The following ANKS1B variants were observed in gnomAD, a reference collection of about 807,000 sequenced individuals.
The protein encoded by ANKS1B is ankyrin repeat and sterile alpha motif domain containing 1B, also known as ankyrin repeat and sterile alpha motif domain-containing protein 1B.
ANKS1B carries 36 observed loss-of-function variants against 148.3 expected under a neutral mutation model. The ratio of observed to expected loss-of-function variants is 0.24; its 90% confidence interval spans 0.19 to 0.32. The LOEUF (loss-of-function observed/expected upper bound fraction) is 0.32, where lower values mean the gene tolerates loss of function less well. Among genes scored for constraint, ANKS1B ranks in the 10% least tolerant of loss-of-function variants. The pLI is 1.00. For synonymous variants in ANKS1B, 542 were observed against 560.8 expected (o/e 0.97, Z 0.47); for missense variants, 1,157 against 1,542.6 (o/e 0.75, Z 4.19).
At chr12:99,498,086 T>C (rs950209881) in intron 10 of ANKS1B, among the ~76,000 whole-genome samples, 1 of 152,212 alleles carries the variant, frequency 6.6e-6, no homozygotes, top group Non-Finnish European at 1.5e-5. Context: ...CTCAGCTTTG[T>C]TTCCCCTTGC....
chr12:99,028,611 A>C (rs935041242), intron 17 of ANKS1B, among the ~76,000 whole-genome samples: 3 of 152,206 alleles, frequency 2.0e-5, no homozygotes, highest in Non-Finnish European at 4.4e-5. Context: ...TTACTGCTTA[A>C]TTATTCCCTT....
chr12:98,948,947 CTTTTTTTTT>C (rs869145338), intron 17 of ANKS1B, among the ~76,000 whole-genome samples: 1 of 84,866 alleles, frequency 1.2e-5, no homozygotes, highest in African/African-American at 6.8e-5. Context: ...GCATGAGCTA[CTTTTTTTTT>C]TTTTTTTTTT....
At chr12:99,971,363 T>C (rs1022896712) in intron 1 of ANKS1B, among the ~76,000 whole-genome samples, 3 of 152,138 alleles carry the variant, frequency 2.0e-5, no homozygotes, top group East Asian at 1.9e-4. Context: ...CCAAAGAACA[T>C]CCCTGCAGAA....
chr12:98,857,062 C>T (rs1368063396), intron 17 of ANKS1B, among the ~76,000 whole-genome samples: 1 of 142,448 alleles, frequency 7.0e-6, no homozygotes. Context: ...TGACATAACC[C>T]CTGCACACAG....
rs1202056612 is a variant in ANKS1B, at chr12:99,332,870, T to C, written c.1756+66761A>G. Among the ~76,000 whole-genome samples the C allele has an allele frequency of 2.6e-5, 4 of 151,570 alleles. No homozygotes were observed. The East Asian group carries it at 5.9e-4, about 22-fold the overall frequency. ...TAAGTAATTCCATATGGCTGGATGA[T>C]AGGTTTTGAGGAGGGTGGATTGGGG... On this transcript the variant is annotated intron_variant, in intron 12 of 26. Transcript: ENST00000683438.
At position 98,941,443 on chromosome 12, in the gene ANKS1B, A is replaced by G. The variant is rs552544811; in HGVS notation, c.2779-109307T>C. On this transcript the variant is annotated intron_variant, in intron 17 of 26. Coordinates refer to ENST00000683438, the MANE Select transcript of ANKS1B (RefSeq NM_001352186.2). ...CAGTATGAGAGCTGAAACAAGAAGG[A>G]GAGGCATCACCTTGTTTGACTTCGC... Among the ~76,000 whole-genome samples the G allele has an allele frequency of 2.6e-5, 4 of 152,340 alleles. No homozygotes were observed. The South Asian group carries it at 8.3e-4, about 32-fold the overall frequency.
chr12:99,459,923 A>ACC (rs2095921915), intron 10 of ANKS1B, among the ~76,000 whole-genome samples: 1 of 152,026 alleles, frequency 6.6e-6, no homozygotes, highest in Non-Finnish European at 1.5e-5. Flanking sequence ...ATTCATACGG[A>ACC]CCCCAAAAAG....
intron 1 of ANKS1B, among the ~76,000 whole-genome samples, chr12:99,974,131 C>A (rs7297476): frequency 0.035 from 5,258 of 152,288 alleles, 298 homozygotes; most frequent in African/African-American, 0.12. Context: ...CAGTCACCAG[C>A]CAACAACATT....
At chr12:99,359,380 G>T (rs895978824) in intron 12 of ANKS1B, among the ~76,000 whole-genome samples, 2 of 151,802 alleles carry the variant, frequency 1.3e-5, no homozygotes, top group African/African-American at 4.8e-5. Flanking sequence ...ATTCTCCAGG[G>T]TTCATTGCTT....
intron 9 of ANKS1B, among the ~76,000 whole-genome samples, chr12:99,598,873 T>G (rs2097778251): frequency 2.0e-5 from 3 of 152,098 alleles, no homozygotes. Context: ...GTTCATAGTT[T>G]GGGATGCCAG....
intron 12 of ANKS1B, among the ~76,000 whole-genome samples, chr12:99,344,410 G>A (rs2090371639): frequency 6.6e-6 from 1 of 151,912 alleles, no homozygotes; most frequent in South Asian, 2.1e-4. Flanking sequence ...TCTTAAGAAT[G>A]GATTCTTAGG....
At chr12:98,911,905 C>T (rs770662027) in intron 17 of ANKS1B, among the ~76,000 whole-genome samples, 1 of 152,220 alleles carries the variant, frequency 6.6e-6, no homozygotes, top group Non-Finnish European at 1.5e-5. Flanking sequence ...CAAACCCTTT[C>T]CTATCCCTCA....
chr12:99,637,794 T>TATATATATAATATATATATA (rs2098254238), intron 9 of ANKS1B, among the ~76,000 whole-genome samples: 1 of 147,282 alleles, frequency 6.8e-6, no homozygotes, highest in Non-Finnish European at 1.5e-5. Flanking sequence ...CCCCTTTCTA[T>TATATATATAATATATATATA]ATATATATAA....
chr12:99,163,665 G>GTGTCCATCTCTATCATTT (rs761277375), intron 14 of ANKS1B, among the ~76,000 whole-genome samples: 1 of 151,814 alleles, frequency 6.6e-6, no homozygotes, highest in Non-Finnish European at 1.5e-5. Context: ...CTACTGATCT[G>GTGTCCATCTCTATCATTT]TGTCCATCTC....
intron 4 of ANKS1B, among the ~76,000 whole-genome samples, chr12:99,791,935 A>T (rs1343834818): frequency 6.6e-6 from 1 of 151,142 alleles, no homozygotes; most frequent in Non-Finnish European, 1.5e-5. Flanking sequence ...TGAAATGATT[A>T]AAAAAAGACA....
rs1026181901 is a variant in ANKS1B, at chr12:99,648,248, T to C, written c.1272+6819A>G. 3.1e-6 allele frequency: 5 copies of C among 1,614,046 alleles called. No individual in the cohort carries two copies. In the African/African-American group the frequency reaches 5.3e-5, roughly 17 times the overall value. Reference sequence around the variant, plus strand: ...GCAATGGGCATGTTTAACACCTCCATGGGGAAGCTGCAGCGGCAACTGTAC... The same window carrying C: ...GCAATGGGCATGTTTAACACCTCCACGGGGAAGCTGCAGCGGCAACTGTAC... On this transcript the variant is annotated intron_variant, in intron 9 of 26. Transcript: ENST00000683438.
intron 12 of ANKS1B, among the ~76,000 whole-genome samples, chr12:99,337,173 AG>A (rs1321999300): frequency 7.2e-5 from 11 of 152,066 alleles, no homozygotes; most frequent in African/African-American, 2.2e-4. Context: ...TAAATTTTGT[AG>A]GTGTGCTTCA....
Position 98,822,049 on chromosome 12 carries a change from C to A in ANKS1B, c.3066+7125G>T, listed in dbSNP as rs115663031. Among the ~76,000 whole-genome samples, 630 of 152,016 alleles carry A rather than the reference C, an allele frequency of 4.1e-3. 8 individuals are homozygous for A. The highest frequency in any genetic ancestry group is 0.013 in the African/African-American group (546 of 41,462). On this transcript the variant is annotated intron_variant, in intron 19 of 26. Coordinates refer to ENST00000683438, the MANE Select transcript of ANKS1B (RefSeq NM_001352186.2). Reference sequence around the variant, plus strand: ...GGAAAAGAGCCAACACAGAGGACAGCAGAGCCAAGAGAAGGAGAGCCAGAG... The same window carrying A: ...GGAAAAGAGCCAACACAGAGGACAGAAGAGCCAAGAGAAGGAGAGCCAGAG...
intron 14 of ANKS1B, among the ~76,000 whole-genome samples, chr12:99,216,675 T>C (rs749474464): frequency 1.6e-4 from 25 of 152,272 alleles, no homozygotes; most frequent in Non-Finnish European, 2.6e-4. Context: ...CCCTTAAATA[T>C]TGGTGAAAAT....
Sources: allele counts gnomAD v4.1 joint callset (sites outside exome capture counted in the v4.1 genomes callset), GRCh38; gene constraint gnomAD v4.1.1; transcripts MANE v1.5; gene names NCBI Gene and HGNC (gene_info 2026-07-23, HGNC 2026-07-21).